The following RAI14 variants were observed in gnomAD, a reference collection of about 807,000 sequenced individuals.
RAI14 encodes ankycorbin.
RAI14 carries 45 observed loss-of-function variants against 115.4 expected under a neutral mutation model. The ratio of observed to expected loss-of-function variants is 0.39; its 90% CI spans 0.31 to 0.50. RAI14 has a LOEUF of 0.50. RAI14 is among the 20% of genes least tolerant of loss of function. RAI14 has a pLI of 0.85. For synonymous variants in RAI14, 371 were observed against 415.4 expected, an observed-to-expected ratio of 0.89 and a Z score of 1.30; for missense variants, 939 against 1,131.2, an observed-to-expected ratio of 0.83 and a Z score of 2.44.
At chr5:34,721,319 A>ATG (rs1317247612) in intron 2 of RAI14, among the ~76,000 whole-genome samples, 3 of 134,818 alleles carry the variant, frequency 2.2e-5, no homozygotes, top group Admixed American at 1.5e-4. Flanking sequence ...ATATATATAT[A>ATG]TATATAGATG....
At position 34,824,257 on chromosome 5, in the gene RAI14, G is replaced by T. The variant is rs141530324; in HGVS notation, c.2415G>T (p.Ser805=). ...SLESEVSVLA[S]KLKESVKEKE... is the part of the protein sequence containing the mutation. Reference sequence around the variant, plus strand: ...AGAGTGAAGTGAGTGTGTTGGCATCGAAATTAAAGGAATCTGTGAAAGAGA... The same window carrying T: ...AGAGTGAAGTGAGTGTGTTGGCATCTAAATTAAAGGAATCTGTGAAAGAGA... The change falls in exon 15 of 18, where the codon TCG becomes TCT. Residue 805 remains serine, a synonymous_variant. Coordinates refer to ENST00000265109, the MANE Select transcript of RAI14 (RefSeq NM_015577.3). 2.5e-5 allele frequency: 41 copies of T among 1,614,010 alleles called. No homozygotes were observed. Among genetic ancestry groups the T allele is most frequent in the Non-Finnish European group, 3.2e-5 (38 of 1,180,010 alleles).
chr5:34,669,295 T>C (rs1579862457), intron 1 of RAI14, among the ~76,000 whole-genome samples: 1 of 152,242 alleles, frequency 6.6e-6, no homozygotes, highest in Non-Finnish European at 1.5e-5. Flanking sequence ...CTCCAGGTGA[T>C]ACCTATCTCA....
chr5:34,713,541 G>A (rs1485057232), intron 2 of RAI14, among the ~76,000 whole-genome samples: 1 of 152,112 alleles, frequency 6.6e-6, no homozygotes, highest in Non-Finnish European at 1.5e-5. Context: ...CCTTCACTGA[G>A]GATCTGTTTC....
chr5:34,742,577 T>A (rs1745646356), intron 2 of RAI14, among the ~76,000 whole-genome samples: 1 of 151,904 alleles, frequency 6.6e-6, no homozygotes. Context: ...CATAGAGAGG[T>A]AGATTTAAAA....
intron 1 of RAI14, among the ~76,000 whole-genome samples, chr5:34,667,108 C>T (rs1743277704): frequency 6.6e-6 from 1 of 152,158 alleles, no homozygotes; most frequent in African/African-American, 2.4e-5. Flanking sequence ...GGCTGCTCAG[C>T]ACTGCACTTC....
intron 17 of RAI14, among the ~76,000 whole-genome samples, chr5:34,830,281 A>G (rs4090578): frequency 0.61 from 92,705 of 151,966 alleles, 28,583 homozygotes; most frequent in Admixed American, 0.67. Context: ...ACCATGCCCC[A>G]CCCTCCCATC....
At chr5:34,750,831 C>G (rs1485153879) in intron 2 of RAI14, among the ~76,000 whole-genome samples, 2 of 143,028 alleles carry the variant, frequency 1.4e-5, no homozygotes, top group East Asian at 4.0e-4. Context: ...CTGACCTTAT[C>G]CTTACTTTGC....
chr5:34,790,706 A>G (rs902575960), intron 3 of RAI14, among the ~76,000 whole-genome samples: 7 of 150,932 alleles, frequency 4.6e-5, no homozygotes, highest in African/African-American at 1.7e-4. Flanking sequence ...AGAATATGGT[A>G]CAAGGTATTA....
intron 2 of RAI14, chr5:34,687,723 G>A (rs1335032766): frequency 6.4e-6 from 10 of 1,551,398 alleles, no homozygotes; most frequent in East Asian, 2.4e-5. Context: ...GGAAGCCAAG[G>A]TATGTCACTC....
intron 2 of RAI14, among the ~76,000 whole-genome samples, chr5:34,752,737 G>GTATATATATATATATA (rs1188674461): frequency 9.9e-6 from 1 of 101,456 alleles, no homozygotes. Flanking sequence ...GTGTGTGTGT[G>GTATATATATATATATA]TGTGTGTGTG....
chr5:34,669,371 T>TTC (rs1055990623), intron 1 of RAI14, among the ~76,000 whole-genome samples: 3 of 152,230 alleles, frequency 2.0e-5, no homozygotes, highest in African/African-American at 7.2e-5. Flanking sequence ...GCAACAGGCT[T>TTC]TCTTTCTGTC....
intron 3 of RAI14, among the ~76,000 whole-genome samples, chr5:34,761,687 C>T (rs1044278678): frequency 1.3e-5 from 2 of 152,190 alleles, no homozygotes; most frequent in South Asian, 4.1e-4. Context: ...CACCCAGGTT[C>T]TATGTCCAAT....
rs569545587 is a variant in RAI14, at chr5:34,824,019, A to G, written c.2177A>G (p.Asn726Ser). 2.5e-6 allele frequency: 4 copies of G among 1,613,962 alleles called. No individual in the cohort carries two copies. Among genetic ancestry groups the G allele is most frequent in the South Asian group, 2.2e-5 (2 of 91,038 alleles). Residue 726 changes from asparagine (N) to serine (S), a missense_variant, in exon 15 of 18, where the codon AAC becomes AGC. Coordinates refer to ENST00000265109, the MANE Select transcript of RAI14 (RefSeq NM_015577.3). ...LKQLVDAQKE[N>S]SVSITEHLQV... ...CAACTGGTGGATGCACAAAAAGAGA[A>G]CTCTGTCTCTATCACAGAACATTTG... is the stretch of plus-strand genomic sequence containing the variant.
chr5:34,789,904 G>T (rs1407497704), intron 3 of RAI14, among the ~76,000 whole-genome samples: 4 of 152,152 alleles, frequency 2.6e-5, no homozygotes, highest in African/African-American at 4.8e-5. Context: ...AGCCCTTAAG[G>T]TTACCAGCAC....
chr5:34,681,186 T>C (rs867612236), intron 1 of RAI14, among the ~76,000 whole-genome samples: 2 of 152,228 alleles, frequency 1.3e-5, no homozygotes, highest in Admixed American at 6.5e-5. Flanking sequence ...TGTATTTGTT[T>C]TGCTGGATTG....
intron 16 of RAI14, among the ~76,000 whole-genome samples, chr5:34,829,503 A>T (rs2150316992): frequency 6.6e-6 from 1 of 152,228 alleles, no homozygotes; most frequent in African/African-American, 2.4e-5. Flanking sequence ...CTTTTTATAC[A>T]GTTTTTTCTA....
chr5:34,679,773 G>A (rs1276346598), intron 1 of RAI14, among the ~76,000 whole-genome samples: 1 of 152,162 alleles, frequency 6.6e-6, no homozygotes, highest in Non-Finnish European at 1.5e-5. Flanking sequence ...CAGGCCAAAT[G>A]AGCTGGGTTT....
intron 17 of RAI14, among the ~76,000 whole-genome samples, chr5:34,830,111 A>T (rs1325096070): frequency 1.3e-5 from 2 of 152,114 alleles, no homozygotes; most frequent in Admixed American, 6.5e-5. Context: ...TAGCCTCCCA[A>T]GTAGGTGGGA....
In RAI14 at chr5:34,757,583, G is replaced by T; in HGVS notation, c.152G>T (p.Ser51Ile). The T allele has an allele frequency of 6.2e-7, 1 of 1,612,834 alleles. No individual in the cohort carries two copies. The highest frequency in any genetic ancestry group is 8.5e-7 in the Non-Finnish European group (1 of 1,179,610). Residue 51 changes from serine to isoleucine, a missense_variant, in exon 3 of 18, where the codon AGT becomes ATT. Transcript: ENST00000265109. ...GGGGCCAGTGCCACCAAACACGACA[G>T]TGAGGGCAAGACCGCGTAAGCTGAA... ...KKGASATKHD[S>I]EGKTAFHLAA...
Sources: gnomAD v4.1 joint callset for allele counts (sites outside exome capture counted in the v4.1 genomes callset) on GRCh38, gnomAD v4.1.1 for gene constraint, MANE v1.5 for transcripts, NCBI Gene and HGNC (gene_info 2026-07-23, HGNC 2026-07-21) for gene names.